Variants in CCAR1 observed in about 807,000 individuals in gnomAD.
CCAR1 encodes the protein cell division cycle and apoptosis regulator protein 1.
A neutral mutation model predicts 163.8 loss-of-function variants in CCAR1; 78 were observed. The ratio of observed to expected loss-of-function variants is 0.48; its 90% CI spans 0.40 to 0.57. The LOEUF is 0.57. Among genes scored for constraint, CCAR1 ranks in the 20% least tolerant of loss-of-function variants. The pLI is 0.00. For missense variants in CCAR1, 1,019 were observed against 1,365.2 expected (o/e 0.75, Z 4.00); for synonymous variants, 443 against 460.7 (o/e 0.96, Z 0.49).
At position 68,732,331 on chromosome 10, in the gene CCAR1, AAC is replaced by A. The variant is rs556415727; in HGVS notation, c.74-4543_74-4542del. Among the ~76,000 whole-genome samples the A allele has an allele frequency of 1.9e-3, 280 of 151,332 alleles. 1 individual carries two copies. The highest frequency in any genetic ancestry group is 3.3e-3 in the Non-Finnish European group (223 of 67,914). On this transcript the variant is annotated intron_variant, in intron 2 of 24. Transcript: ENST00000265872. The stretch of plus-strand genomic sequence containing the variant: ...ATGATAATTTTTTTTCTATTACCAG[AAC>A]AGTTTTGTTTGTTTGTTTGTTTGTT...
In CCAR1 at chr10:68,749,162, A is replaced by G; in HGVS notation, c.853A>G (p.Ile285Val). ...TGGTTTATTGCAGCCTCCTGTTCGTATAGTTTCACAGCCACAACCGGCACG... is the reference window on the plus strand; with the variant it reads ...TGGTTTATTGCAGCCTCCTGTTCGTGTAGTTTCACAGCCACAACCGGCACG... ...KAGLLQPPVR[I>V]VSQPQPARRL... The change falls in exon 9 of 25, where the codon ATA becomes GTA. Residue 285 changes from isoleucine (I) to valine (V), a missense_variant. This residue lies in a region of CCAR1 where 644 missense variants were observed against 904.4 expected (regional missense o/e 0.71). Transcript: ENST00000265872. The G allele has an allele frequency of 1.9e-6, 3 of 1,613,940 alleles. No homozygotes were observed. The highest frequency in any genetic ancestry group is 2.5e-6 in the Non-Finnish European group (3 of 1,179,964).
intron 4 of CCAR1, among the ~76,000 whole-genome samples, chr10:68,738,983 A>G (rs905478795): frequency 3.3e-5 from 5 of 152,234 alleles, no homozygotes; most frequent in African/African-American, 9.6e-5. Flanking sequence ...TCACACTTCT[A>G]TTCCCTAGGC....
In CCAR1 at chr10:68,747,498, C is replaced by T; in HGVS notation, c.758C>T (p.Ser253Leu). 6.2e-7 allele frequency: 1 copy of T among 1,614,182 alleles called. No individual in the cohort carries two copies. The highest frequency in any genetic ancestry group is 8.5e-7 in the Non-Finnish European group (1 of 1,180,026). The change falls in exon 8 of 25, where the codon TCA becomes TTA. Residue 253 changes from serine (S) to leucine (L), a missense_variant. This residue lies in a region of CCAR1 where 644 missense variants were observed against 904.4 expected (regional missense o/e 0.71). Coordinates refer to ENST00000265872, the MANE Select transcript of CCAR1 (RefSeq NM_018237.4). ...QPQSLLQAQI[S>L]AASITPLLQT... The stretch of plus-strand genomic sequence containing the variant: ...CAGTCACTGCTGCAGGCACAGATTT[C>T]AGCAGCTTCTATTACACCACTATTG...
intron 18 of CCAR1, among the ~76,000 whole-genome samples, 161 bp downstream of exon 18, chr10:68,771,606 A>G (rs1394722253): frequency 1.3e-5 from 2 of 152,058 alleles, no homozygotes; most frequent in Admixed American, 1.3e-4. Context: ...ACACAGTGAA[A>G]CCTCGTCTCC....
chr10:68,730,096 A>T (rs1389193640), intron 2 of CCAR1, among the ~76,000 whole-genome samples: 1 of 151,136 alleles, frequency 6.6e-6, no homozygotes, highest in Non-Finnish European at 1.5e-5. Flanking sequence ...TAATTTTTGT[A>T]TTTTTAGTAG....
chr10:68,770,354 T>C (rs1417687693), intron 17 of CCAR1, among the ~76,000 whole-genome samples: 2 of 152,228 alleles, frequency 1.3e-5, no homozygotes, highest in East Asian at 1.9e-4. Context: ...TCTTCAGTGC[T>C]GTATCCCTAA....
intron 2 of CCAR1, among the ~76,000 whole-genome samples, chr10:68,728,212 A>C (rs925418982): frequency 1.3e-5 from 2 of 152,190 alleles, no homozygotes; most frequent in Admixed American, 1.3e-4. Context: ...CTGTATTTAA[A>C]CTATTAAAAT....
At position 68,756,829 on chromosome 10, in the gene CCAR1, T is replaced by C. The variant is rs1322587142; in HGVS notation, c.1836+346T>C. 2.0e-5 allele frequency among the ~76,000 whole-genome samples: 3 copies of C among 152,230 alleles called. No homozygotes were observed. The highest frequency in any genetic ancestry group is 7.2e-5 in the African/African-American group (3 of 41,460). On this transcript the variant is annotated intron_variant, in intron 14 of 24. Transcript: ENST00000265872. This position sits in a 1 kb window ranked among gnomAD's most constrained non-coding sequence, Gnocchi z 5.1. ...AAACATTTTGCCATTTTCTAAAATT[T>C]AAAAAATTTTCTTTTTCATGGTCAT...
At chr10:68,783,276 G>A (rs776470115) in intron 19 of CCAR1, among the ~76,000 whole-genome samples, 2 of 151,812 alleles carry the variant, frequency 1.3e-5, no homozygotes, top group Non-Finnish European at 2.9e-5. Context: ...TGCAAGCTCC[G>A]CCTCCCAGGT....
At chr10:68,745,464 G>C (rs1201589525) in intron 6 of CCAR1, among the ~76,000 whole-genome samples, 1 of 145,546 alleles carries the variant, frequency 6.9e-6, no homozygotes, top group South Asian at 2.1e-4. Flanking sequence ...ACCACGTCCA[G>C]CTTTTTTTTT....
chr10:68,731,351 G>A (rs2056034975), intron 2 of CCAR1, among the ~76,000 whole-genome samples: 1 of 152,128 alleles, frequency 6.6e-6, no homozygotes, highest in Admixed American at 6.6e-5. Flanking sequence ...CCACAAAGGG[G>A]AGCATTAATA....
intron 4 of CCAR1, among the ~76,000 whole-genome samples, chr10:68,738,359 C>T (rs2056139923): frequency 6.8e-6 from 1 of 147,960 alleles, no homozygotes; most frequent in Admixed American, 6.8e-5. Context: ...ACTCAGGAGG[C>T]GGAGGTTATG....
chr10:68,730,345 A>ATT lies in CCAR1; in HGVS notation c.74-6529_74-6528dup, dbSNP rs1248917484. ...AAAAAGAATATATATATATATATAT[A>ATT]TTTATTTTTTGAGATGGAGTCTAGC... On this transcript the variant is annotated intron_variant, in intron 2 of 24. Transcript: ENST00000265872. Among the ~76,000 whole-genome samples the ATT allele has an allele frequency of 9.5e-5, 14 of 147,220 alleles. No homozygotes were observed. The East Asian group carries it at 1.9e-3, about 20-fold the overall frequency.
chr10:68,745,074 T>C (rs1149680), intron 6 of CCAR1, among the ~76,000 whole-genome samples: 133,275 of 152,106 alleles, frequency 0.88, 58,479 homozygotes, highest in African/African-American at 0.9. Flanking sequence ...GGTGCAATCT[T>C]GGCTCACTGT....
chr10:68,751,906 AGTTTTTTGTTTTT>A (rs767130859), intron 10 of CCAR1, among the ~76,000 whole-genome samples: 2 of 145,418 alleles, frequency 1.4e-5, no homozygotes, highest in African/African-American at 5.2e-5. Context: ...TTCACAGTTT[AGTTTTTTGTTTTT>A]GTTTTTTTTT....
Position 68,754,744 on chromosome 10 carries a change from G to A in CCAR1, c.1375G>A (p.Asp459Asn). Residue 459 changes from aspartate (D) to asparagine (N), a missense_variant, in exon 12 of 25, where the codon GAT (aspartate) becomes AAT (asparagine). This residue lies in a region of CCAR1 where 644 missense variants were observed against 904.4 expected (regional missense o/e 0.71). Transcript: ENST00000265872. ...GCTGATGGCTAGCCCTAGTATGGAA[G>A]ATTTATATCATAAGTCATGTGCTCT... is the stretch of plus-strand genomic sequence containing the variant. ...VMLMASPSME[D>N]LYHKSCALAE... 5 of 1,610,132 alleles carry A rather than the reference G, an allele frequency of 3.1e-6. No homozygotes were observed. The highest frequency in any genetic ancestry group is 1.3e-5 in the African/African-American group (1 of 74,972).
rs1016582627 is a variant in CCAR1 at position 68,765,878 on chromosome 10, A to C, written c.2107-10A>C. 1 of 1,603,574 alleles carries C rather than the reference A, an allele frequency of 6.2e-7. No homozygotes were observed. Among genetic ancestry groups the C allele is most frequent in the South Asian group, 1.1e-5 (1 of 89,958 alleles). ...AGATTTAACCTTGACTTGAAATTTG[A>C]AATATTTAGGAAGAAGAAAGGAAAC... On this transcript the variant is annotated splice_polypyrimidine_tract_variant and intron_variant, in intron 16 of 24. Coordinates refer to ENST00000265872, the MANE Select transcript of CCAR1 (RefSeq NM_018237.4).
At chr10:68,772,197 T>C (rs1589184958) in intron 18 of CCAR1, among the ~76,000 whole-genome samples, 1 of 152,066 alleles carries the variant, frequency 6.6e-6, no homozygotes, top group Non-Finnish European at 1.5e-5. Context: ...ATTATACATT[T>C]ATAGTATGGG....
At chr10:68,747,064 G>T in intron 6 of CCAR1, 97 bp from the exon 7 acceptor site, 2 of 609,754 alleles carry the variant, frequency 3.3e-6, no homozygotes, top group Non-Finnish European at 5.5e-6. Flanking sequence ...TTTGAGATAT[G>T]GTTTACTTTA....
Sources: gnomAD v4.1 joint callset for allele counts (sites outside exome capture counted in the v4.1 genomes callset) on GRCh38, gnomAD v4.1.1 for gene constraint, gnomAD v4.1.1 regional missense constraint, Gnocchi (gnomAD v3.1) non-coding constraint, MANE v1.5 for transcripts, NCBI Gene and HGNC (gene_info 2026-07-23, HGNC 2026-07-21) for gene names.